TSHZ2: variants seen among roughly 807,000 people sequenced by gnomAD.
TSHZ2 encodes teashirt zinc finger homeobox 2.
TSHZ2 carries 21 observed loss-of-function variants against 74.4 expected under a neutral mutation model. The ratio of observed to expected loss-of-function variants is 0.28; its 90% CI spans 0.20 to 0.41. The LOEUF is 0.41. Among genes scored for constraint, TSHZ2 ranks in the 10% least tolerant of loss-of-function variants. TSHZ2 has a pLI of 1.00. For synonymous variants in TSHZ2, 540 were observed against 515.3 expected, an observed-to-expected ratio of 1.05 and a Z score of -0.65; for missense variants, 1,244 against 1,293.5, an observed-to-expected ratio of 0.96 and a Z score of 0.59.
chr20:53,444,535 G>A (rs1219200527), intron 2 of TSHZ2, among the ~76,000 whole-genome samples: 1 of 152,266 alleles, frequency 6.6e-6, no homozygotes, highest in South Asian at 2.1e-4. Context: ...GGGGAGCTAG[G>A]GAAATCAATT....
intron 1 of TSHZ2, among the ~76,000 whole-genome samples, chr20:53,245,888 C>T (rs1011951655): frequency 2.6e-5 from 4 of 152,142 alleles, no homozygotes; most frequent in Non-Finnish European, 5.9e-5. Context: ...ATTCTCTAAC[C>T]CCTGGTTCCT....
chr20:53,214,800 G>A (rs1312000441), intron 1 of TSHZ2, among the ~76,000 whole-genome samples: 1 of 152,144 alleles, frequency 6.6e-6, no homozygotes, highest in Non-Finnish European at 1.5e-5. Context: ...TCCAGTGCCT[G>A]CCTGTGCTTA....
In TSHZ2 at chr20:53,487,238, A is replaced by C. The variant is rs1986311266; in HGVS notation, c.*103A>C. 1 of 136,306 alleles carries C rather than the reference A, an allele frequency of 7.3e-6. No homozygotes were observed. Among genetic ancestry groups the C allele is most frequent in the Non-Finnish European group, 1.5e-5 (1 of 65,670 alleles). 8.4% of individuals were successfully genotyped at this position (136,306 alleles called of 1,614,324 possible). A position where few individuals can be genotyped will look rare whatever the true frequency, so the allele number is the denominator to read the frequency against. ...CTGCTTCTGACATTGAACTCATTGAACTCCTCCTGACACCCTGGCTCTGAG... is the reference window on the plus strand; with the variant it reads ...CTGCTTCTGACATTGAACTCATTGACCTCCTCCTGACACCCTGGCTCTGAG... On this transcript the variant is annotated 3_prime_UTR_variant, in exon 3 of 3. Coordinates refer to ENST00000371497, the MANE Select transcript of TSHZ2 (RefSeq NM_173485.6).
intron 2 of TSHZ2, among the ~76,000 whole-genome samples, chr20:53,469,048 TATATATATATATATATATATA>T (rs1985659267): frequency 2.1e-5 from 2 of 93,742 alleles, no homozygotes; most frequent in South Asian, 3.4e-4. Flanking sequence ...CGATATTTTA[TATATATATATATATATATATA>T]TATATATATA....
chr20:53,162,443 T>C (rs1293592371), intron 1 of TSHZ2, among the ~76,000 whole-genome samples: 1 of 152,228 alleles, frequency 6.6e-6, no homozygotes, highest in Non-Finnish European at 1.5e-5. Context: ...CTTCCTCTTT[T>C]GTATCTTTCC....
At chr20:53,086,042 T>C (rs552520036) in intron 1 of TSHZ2, among the ~76,000 whole-genome samples, 1 of 152,330 alleles carries the variant, frequency 6.6e-6, no homozygotes, top group South Asian at 2.1e-4. Flanking sequence ...CCAATCTCTT[T>C]GCATGGAGGC....
chr20:53,230,388 C>T (rs80353900), intron 1 of TSHZ2, among the ~76,000 whole-genome samples: 3,587 of 152,200 alleles, frequency 0.024, 152 homozygotes, highest in African/African-American at 0.082. Context: ...TCCTTTCCCT[C>T]AAATAACCAT....
Position 53,440,111 on chromosome 20 carries a change from TA to T in TSHZ2, c.*9-47020del, listed in dbSNP as rs528061590. Among the ~76,000 whole-genome samples the T allele has an allele frequency of 8.2e-3, 1,187 of 144,794 alleles. 7 individuals carry two copies. Among genetic ancestry groups the T allele is most frequent in the African/African-American group, 0.02 (788 of 39,864 alleles). The allele number at this position is 144,794 out of a possible 152,430, so 95.0% of individuals were successfully genotyped here. On this transcript the variant is annotated intron_variant, in intron 2 of 2. Transcript: ENST00000371497. ...GGGAACAGTTGGCCGTCCTTAGAAT[TA>T]AAAAAAAAAAAATGTGATCACTGAC...
intron 2 of TSHZ2, among the ~76,000 whole-genome samples, chr20:53,472,935 T>A (rs139578370): frequency 0.2 from 30,476 of 151,834 alleles, 3,207 homozygotes; most frequent in East Asian, 0.29. Flanking sequence ...ACCCGAATAC[T>A]GCGCTTTTCC....
At chr20:53,455,617 G>C (rs1417452866) in intron 2 of TSHZ2, among the ~76,000 whole-genome samples, 4 of 151,924 alleles carry the variant, frequency 2.6e-5, no homozygotes, top group South Asian at 2.1e-4. Context: ...CATTGTGCAG[G>C]TTAGTTACAT....
At chr20:53,026,421 C>T (rs1004949468) in intron 1 of TSHZ2, among the ~76,000 whole-genome samples, 35 of 151,422 alleles carry the variant, frequency 2.3e-4, no homozygotes, top group Admixed American at 5.9e-4. Context: ...GGCTCGATCT[C>T]GGTTCACTGC....
At chr20:53,388,711 G>A (rs1027644431) in intron 2 of TSHZ2, among the ~76,000 whole-genome samples, 20 of 151,080 alleles carry the variant, frequency 1.3e-4, no homozygotes, top group Admixed American at 2.0e-4. Context: ...CCAAGTAGTC[G>A]GAATTATAGG....
At chr20:53,208,414 T>C (rs1164697690) in intron 1 of TSHZ2, among the ~76,000 whole-genome samples, 1 of 152,136 alleles carries the variant, frequency 6.6e-6, no homozygotes, top group Non-Finnish European at 1.5e-5. Flanking sequence ...TGTTTCTCAT[T>C]TAATCCTGGA....
At chr20:53,109,057 A>ATCTCCTGACTTCTCC (rs58563113) in intron 1 of TSHZ2, among the ~76,000 whole-genome samples, 10,596 of 151,754 alleles carry the variant, frequency 0.07, 438 homozygotes, top group Non-Finnish European at 0.1. Flanking sequence ...CCACCCTCTC[A>ATCTCCTGACTTCTCC]TCTCCTGACT....
intron 2 of TSHZ2, among the ~76,000 whole-genome samples, chr20:53,472,578 C>A (rs1985844944): frequency 6.6e-6 from 1 of 152,298 alleles, no homozygotes; most frequent in Admixed American, 6.5e-5. Flanking sequence ...TCACAGTCAC[C>A]AGCACGCAGA....
chr20:53,275,620 C>T (rs1206724524), intron 2 of TSHZ2, among the ~76,000 whole-genome samples: 1 of 152,098 alleles, frequency 6.6e-6, no homozygotes, highest in Non-Finnish European at 1.5e-5. Context: ...CTTTTGGAAG[C>T]AATGGTTAAA....
intron 2 of TSHZ2, among the ~76,000 whole-genome samples, chr20:53,331,742 G>T (rs1001505693): frequency 1.1e-5 from 1 of 94,556 alleles, no homozygotes; most frequent in Non-Finnish European, 2.2e-5. Context: ...TAGGAAAAGG[G>T]TTATGACAAG....
intron 1 of TSHZ2, among the ~76,000 whole-genome samples, chr20:53,131,910 G>A (rs1987114052): frequency 6.7e-6 from 1 of 148,558 alleles, no homozygotes; most frequent in African/African-American, 2.5e-5. Flanking sequence ...AAATTGAAGA[G>A]TGTTGCATAT....
intron 1 of TSHZ2, among the ~76,000 whole-genome samples, chr20:53,225,677 A>C (rs1433253726): frequency 1.3e-5 from 2 of 152,204 alleles, no homozygotes; most frequent in African/African-American, 4.8e-5. Context: ...TACTCAGAAA[A>C]ACCAAGCAGT....
Sources: gnomAD v4.1 joint callset for allele counts (sites outside exome capture counted in the v4.1 genomes callset) on GRCh38, gnomAD v4.1.1 for gene constraint, MANE v1.5 for transcripts, NCBI Gene and HGNC (gene_info 2026-07-23, HGNC 2026-07-21) for gene names.